The following MLLT10 variants were observed in gnomAD, a reference collection of about 807,000 sequenced individuals.
MLLT10 encodes the protein MLLT10 histone lysine methyltransferase DOT1L cofactor, also known as protein AF-10.
In MLLT10, 30 loss-of-function variants were observed where a neutral mutation model predicts 129.1. That is an observed-to-expected ratio of 0.23 (90% CI 0.17 to 0.32). The LOEUF is 0.32. MLLT10 is among the 10% of genes least tolerant of loss of function. MLLT10 has a pLI of 1.00. For synonymous variants in MLLT10, 490 were observed against 446.4 expected, an observed-to-expected ratio of 1.10 and a Z score of -1.23; for missense variants, 1,119 against 1,268.3, an observed-to-expected ratio of 0.88 and a Z score of 1.79.
intron 2 of MLLT10, 61 bp downstream of exon 2, chr10:21,534,865 C>G (rs568571738): frequency 6.1e-5 from 72 of 1,183,776 alleles, no homozygotes; most frequent in South Asian, 1.4e-4. Context: ...CCGCCGCCCC[C>G]ACCTGGGCCG....
At chr10:21,555,127 T>C (rs1450212978) in intron 3 of MLLT10, among the ~76,000 whole-genome samples, 1 of 152,010 alleles carries the variant, frequency 6.6e-6, no homozygotes, top group Non-Finnish European at 1.5e-5. Flanking sequence ...GGCCATACTT[T>C]TTAATTTCTA....
chr10:21,692,369 T>C (rs1045016948), intron 13 of MLLT10, among the ~76,000 whole-genome samples: 3 of 152,054 alleles, frequency 2.0e-5, no homozygotes, highest in African/African-American at 7.2e-5. Context: ...AGTGTCTTGC[T>C]TTGTTGCCCA....
In MLLT10 at chr10:21,738,551, CTT is replaced by C. The variant is rs2058570621; in HGVS notation, c.2956-1478_2956-1477del. On this transcript the variant is annotated intron_variant, in intron 21 of 22. Transcript: ENST00000307729. ...AGTTTGTTCATTTACAGGGATCAAA[CTT>C]AACGTAGGTGAGGATTTTTTGGAAG... The C allele has an allele frequency of 9.4e-6, 12 of 1,276,538 alleles. No individual in the cohort carries two copies. The South Asian group carries it at 1.1e-4, about 12-fold the overall frequency. The allele number at this position is 1,276,538 out of a possible 1,614,324, so 79.1% of individuals were successfully genotyped here.
chr10:21,683,651 C>T (rs933409060), intron 13 of MLLT10, among the ~76,000 whole-genome samples: 1 of 152,158 alleles, frequency 6.6e-6, no homozygotes, highest in Admixed American at 6.6e-5. Flanking sequence ...GGGAGAGTCT[C>T]TTAGGCTTCG....
intron 9 of MLLT10, among the ~76,000 whole-genome samples, chr10:21,653,896 GA>G (rs547125554): frequency 4.1e-4 from 63 of 152,346 alleles, no homozygotes; most frequent in African/African-American, 1.4e-3. Flanking sequence ...CACTAAGGGA[GA>G]AGTGAGTGCA....
chr10:21,698,595 G>A (rs949990224), intron 13 of MLLT10, among the ~76,000 whole-genome samples: 3 of 152,094 alleles, frequency 2.0e-5, no homozygotes, highest in African/African-American at 4.8e-5. Flanking sequence ...CCTGATATTG[G>A]GATTGCTAGA....
intron 8 of MLLT10, among the ~76,000 whole-genome samples, chr10:21,618,880 A>C (rs891929842): frequency 3.9e-5 from 6 of 152,054 alleles, no homozygotes; most frequent in South Asian, 2.1e-4. Flanking sequence ...TTACAGGCAC[A>C]TGCCACCATG....
intron 13 of MLLT10, among the ~76,000 whole-genome samples, chr10:21,701,439 T>G (rs2054902941): frequency 6.6e-6 from 1 of 152,120 alleles, no homozygotes; most frequent in South Asian, 2.1e-4. Flanking sequence ...ACTTTTTTGA[T>G]GTAGATGTTT....
In MLLT10 at chr10:21,729,828, G is replaced by A. The variant is rs1401540529; in HGVS notation, c.2064-1072G>A. Among the ~76,000 whole-genome samples the A allele has an allele frequency of 2.6e-5, 4 of 152,176 alleles. No homozygotes were observed. In the East Asian group the frequency reaches 7.7e-4, roughly 29 times the overall value. On this transcript the variant is annotated intron_variant, in intron 16 of 22. Transcript: ENST00000307729. The stretch of plus-strand genomic sequence containing the variant: ...ATGTTAGAATGATAGCTGGAGACCG[G>A]AAATGGCCACACTTATTTAAACCAA...
At chr10:21,684,463 AACTTCAACTCTAC>A (rs2053079480) in intron 13 of MLLT10, among the ~76,000 whole-genome samples, 1 of 152,072 alleles carries the variant, frequency 6.6e-6, no homozygotes, top group Non-Finnish European at 1.5e-5. Context: ...CTAGGAAGTT[AACTTCAACTCTAC>A]CCTCTCATTT....
chr10:21,611,439 C>T (rs937152473), intron 5 of MLLT10, among the ~76,000 whole-genome samples: 5 of 151,706 alleles, frequency 3.3e-5, no homozygotes, highest in Non-Finnish European at 5.9e-5. Context: ...TGAATGAAAC[C>T]ATTTGGTTGT....
At chr10:21,604,557 C>G (rs569419926) in intron 5 of MLLT10, among the ~76,000 whole-genome samples, 52 of 152,142 alleles carry the variant, frequency 3.4e-4, no homozygotes, top group Admixed American at 5.9e-4. Context: ...CCATTGCACT[C>G]CAGCCTGGGT....
At chr10:21,654,537 A>G (rs1813888230) in intron 9 of MLLT10, among the ~76,000 whole-genome samples, 1 of 152,346 alleles carries the variant, frequency 6.6e-6, no homozygotes, top group Non-Finnish European at 1.5e-5. Context: ...AAAAGGCATG[A>G]GATGGTTAAC....
Position 21,733,780 on chromosome 10 carries a change from A to C in MLLT10, c.2509A>C (p.Ser837Arg). The change falls in exon 20 of 23, where the codon AGT becomes CGT. Residue 837 changes from serine (S) to arginine (R), a missense_variant. Around this residue, in one of 5 missense-constraint regions of MLLT10, gnomAD observed 1,004 missense variants for 1,008.7 expected, o/e 1.00. Coordinates refer to ENST00000307729, the MANE Select transcript of MLLT10 (RefSeq NM_001195626.3). ...TTTCTTACGCTAGGACTTAACCTCC[A>C]GTGGACAAAGTACCAGCAGCTCATC... ...LPVLNQDLTS[S>R]GQSTSSSSAL... 2 of 1,612,456 alleles carry C rather than the reference A, an allele frequency of 1.2e-6. No individual in the cohort carries two copies. The highest frequency in any genetic ancestry group is 1.7e-6 in the Non-Finnish European group (2 of 1,179,124).
At position 21,543,901 on chromosome 10, in the gene MLLT10, G is replaced by A. The variant is rs981212672; in HGVS notation, c.240+4989G>A. 5.3e-5 allele frequency among the ~76,000 whole-genome samples: 8 copies of A among 152,200 alleles called. No homozygotes were observed. In the East Asian group the frequency reaches 1.5e-3, roughly 29 times the overall value. Reference sequence around the variant, plus strand: ...CATGGAAATGTATTTCACCCAGAAAGGGAATTGAATTAGTCTTATGAATCT... The same window carrying A: ...CATGGAAATGTATTTCACCCAGAAAAGGAATTGAATTAGTCTTATGAATCT... On this transcript the variant is annotated intron_variant, in intron 3 of 22. Transcript: ENST00000307729.
chr10:21,693,768 C>G (rs2054106328), intron 13 of MLLT10, among the ~76,000 whole-genome samples: 1 of 152,154 alleles, frequency 6.6e-6, no homozygotes, highest in African/African-American at 2.4e-5. Flanking sequence ...TTGAATACTG[C>G]CCTTAATGTT....
At chr10:21,700,448 T>C (rs1320712640) in intron 13 of MLLT10, among the ~76,000 whole-genome samples, 1 of 152,184 alleles carries the variant, frequency 6.6e-6, no homozygotes, top group East Asian at 1.9e-4. Flanking sequence ...GTTTTAGGTC[T>C]TAGAGGAAAA....
intron 8 of MLLT10, among the ~76,000 whole-genome samples, chr10:21,634,862 A>G (rs542985495): frequency 1.6e-4 from 24 of 152,236 alleles, no homozygotes; most frequent in Admixed American, 5.9e-4. Context: ...GAGTCCTTCA[A>G]CTTGGCACTT....
intron 3 of MLLT10, among the ~76,000 whole-genome samples, chr10:21,562,401 A>G (rs1298449372): frequency 6.0e-5 from 9 of 150,696 alleles, no homozygotes; most frequent in Non-Finnish European, 1.5e-5. Flanking sequence ...GCAGTGGCAC[A>G]ATCTCAGCTC....
Sources: gnomAD v4.1 joint callset for allele counts (sites outside exome capture counted in the v4.1 genomes callset) on GRCh38, gnomAD v4.1.1 for gene constraint, gnomAD v4.1.1 regional missense constraint, MANE v1.5 for transcripts, NCBI Gene and HGNC (gene_info 2026-07-23, HGNC 2026-07-21) for gene names.